Variants in PDILT observed in about 807,000 individuals in gnomAD.
PDILT encodes protein disulfide-isomerase-like protein of the testis.
PDILT carries 43 observed loss-of-function variants against 53.7 expected under a neutral mutation model. That is an observed-to-expected ratio of 0.80 (90% CI 0.63 to 1.03). The LOEUF (loss-of-function observed/expected upper bound fraction) is 1.03. PDILT is among the 50% of genes least tolerant of loss of function. The pLI is 0.00. For synonymous variants in PDILT, 282 were observed against 274.2 expected, an observed-to-expected ratio of 1.03 and a Z score of -0.28; for missense variants, 727 against 712.3, an observed-to-expected ratio of 1.02 and a Z score of -0.24.
chr16:20,360,850 G>T lies in PDILT; in HGVS notation c.1417-193C>A, dbSNP rs1041484795. Among the ~76,000 whole-genome samples, 8 of 152,196 alleles carry T rather than the reference G, an allele frequency of 5.3e-5. No homozygotes were observed. The East Asian group carries it at 1.5e-3, about 29-fold the overall frequency. On this transcript the variant is annotated intron_variant, in intron 10 of 11. Transcript: ENST00000302451. ...ATAAAAATGCTTCTGACATAGGGTT[G>T]TTATGCAGTGGATCAAAGCACGGAC...
At chr16:20,362,088 A>T (rs892512601) in intron 10 of PDILT, among the ~76,000 whole-genome samples, 4 of 152,200 alleles carry the variant, frequency 2.6e-5, no homozygotes, top group Non-Finnish European at 5.9e-5. Context: ...TATTTCAGAT[A>T]GTTAGGGCAG....
intron 2 of PDILT, among the ~76,000 whole-genome samples, chr16:20,392,940 T>G (rs1966623334): frequency 6.6e-6 from 1 of 152,212 alleles, no homozygotes; most frequent in African/African-American, 2.4e-5. Context: ...TTTCCCAGCC[T>G]TATCCATCCA....
chr16:20,364,491 G>A (rs1282454165), intron 9 of PDILT, among the ~76,000 whole-genome samples: 1 of 152,220 alleles, frequency 6.6e-6, no homozygotes, highest in Non-Finnish European at 1.5e-5. Flanking sequence ...CCTGATCTGT[G>A]ACATGGGGAA....
intron 9 of PDILT, 129 bp downstream of exon 9, chr16:20,365,291 A>G: frequency 2.0e-6 from 2 of 995,422 alleles, no homozygotes; most frequent in South Asian, 1.5e-5. Flanking sequence ...CCCTTTGGGT[A>G]TCTGAAGACC....
At chr16:20,385,767 C>T (rs1966526829) in intron 2 of PDILT, among the ~76,000 whole-genome samples, 2 of 152,102 alleles carry the variant, frequency 1.3e-5, no homozygotes, top group African/African-American at 4.8e-5. Flanking sequence ...CACTCAATAG[C>T]ATAGACACGA....
intron 8 of PDILT, among the ~76,000 whole-genome samples, chr16:20,368,884 CA>C (rs1444095407): frequency 1.3e-5 from 2 of 152,138 alleles, no homozygotes. Context: ...GCACCTGGCC[CA>C]TTCCAGAATC....
chr16:20,389,657 G>C (rs1031783254), intron 2 of PDILT, among the ~76,000 whole-genome samples: 2 of 152,176 alleles, frequency 1.3e-5, no homozygotes, highest in Non-Finnish European at 2.9e-5. Flanking sequence ...ATGGCTCCCT[G>C]ACTGTCTGCT....
At chr16:20,378,408 GTTC>G (rs1304289631) in intron 3 of PDILT, among the ~76,000 whole-genome samples, 1 of 151,886 alleles carries the variant, frequency 6.6e-6, no homozygotes, top group Non-Finnish European at 1.5e-5. Context: ...TCTCCTTCTT[GTTC>G]TTCTTCTGCT....
intron 2 of PDILT, among the ~76,000 whole-genome samples, chr16:20,393,436 C>T (rs771061318): frequency 2.0e-5 from 3 of 152,114 alleles, no homozygotes; most frequent in African/African-American, 4.8e-5. Context: ...TCAAGCAACA[C>T]GCATGTTCAA....
chr16:20,383,171 C>T (rs1966484832), intron 3 of PDILT, among the ~76,000 whole-genome samples: 1 of 152,164 alleles, frequency 6.6e-6, no homozygotes, highest in South Asian at 2.1e-4. Flanking sequence ...CACCCACAGT[C>T]TGGAAGTTGC....
chr16:20,363,963 C>T (rs7498579), intron 9 of PDILT, among the ~76,000 whole-genome samples: 1 of 151,834 alleles, frequency 6.6e-6, no homozygotes, highest in African/African-American at 2.4e-5. Flanking sequence ...GCTCTGTAAG[C>T]GAAATGGCCT....
At chr16:20,404,141 C>T (rs957280422) in intron 1 of PDILT, among the ~76,000 whole-genome samples, 1 of 152,196 alleles carries the variant, frequency 6.6e-6, no homozygotes, top group Non-Finnish European at 1.5e-5. Flanking sequence ...AGATTTGGAA[C>T]TCAATGAATG....
rs140232342 is a variant in PDILT, at chr16:20,402,541, C to T, written c.-8+1955G>A. Among the ~76,000 whole-genome samples, 1,020 of 152,256 alleles carry T rather than the reference C, an allele frequency of 6.7e-3. 6 individuals are homozygous for T. The highest frequency in any genetic ancestry group is 0.012 in the Non-Finnish European group (830 of 68,028). On this transcript the variant is annotated intron_variant, in intron 1 of 11. Transcript: ENST00000302451. ...CTGGAACTCCTGACCTCAGGTGATC[C>T]GCCCACCTCGGCCTCCCAAAGTGTT...
In PDILT at chr16:20,373,048, C is replaced by T. The variant is rs766151520; in HGVS notation, c.756G>A (p.Gln252=). The T allele has an allele frequency of 6.2e-7, 1 of 1,614,078 alleles. No homozygotes were observed. Among genetic ancestry groups the T allele is most frequent in the Non-Finnish European group, 8.5e-7 (1 of 1,179,980 alleles). The part of the protein sequence containing the change: ...NKQELNRVIK[Q]HLTDFVIEYN... ...ATTCGATCACAAAATCTGTAAGGTGCTGTTTTATGACACGATTGAGTTCCT... is the reference window on the plus strand; with the variant it reads ...ATTCGATCACAAAATCTGTAAGGTGTTGTTTTATGACACGATTGAGTTCCT... Residue 252 remains glutamine, a synonymous_variant, in exon 6 of 12, where the codon CAG becomes CAA. Transcript: ENST00000302451.
In PDILT at chr16:20,376,459, T is replaced by C. The variant is rs62034973; in HGVS notation, c.410-258A>G. On this transcript the variant is annotated intron_variant, in intron 3 of 11. Coordinates refer to ENST00000302451, the MANE Select transcript of PDILT (RefSeq NM_174924.2). Reference sequence around the variant, plus strand: ...TTTTGCATATATTAAATCTTCACAATAATCCTATGAAATAGACACTTTTAC... The same window carrying C: ...TTTTGCATATATTAAATCTTCACAACAATCCTATGAAATAGACACTTTTAC... 8.1e-3 allele frequency among the ~76,000 whole-genome samples: 1,241 copies of C among 152,292 alleles called. 13 individuals are homozygous for C. The highest frequency in any genetic ancestry group is 0.011 in the Non-Finnish European group (750 of 68,024).
intron 1 of PDILT, among the ~76,000 whole-genome samples, chr16:20,403,697 C>T (rs117795282): frequency 0.04 from 6,131 of 151,910 alleles, 154 homozygotes; most frequent in Non-Finnish European, 0.058. Flanking sequence ...ACAATCCATT[C>T]GCAAAACCGC....
At chr16:20,392,758 T>G (rs1271915456) in intron 2 of PDILT, among the ~76,000 whole-genome samples, 1 of 152,224 alleles carries the variant, frequency 6.6e-6, no homozygotes, top group Non-Finnish European at 1.5e-5. Context: ...GTTTAAAGTA[T>G]GCATGTTGGT....
At chr16:20,377,131 A>G (rs1057070818) in intron 3 of PDILT, among the ~76,000 whole-genome samples, 8 of 152,160 alleles carry the variant, frequency 5.3e-5, no homozygotes, top group African/African-American at 1.9e-4. Flanking sequence ...ACAAAAAACA[A>G]AAGAAAATTA....
At chr16:20,397,052 G>T (rs753585202) in intron 2 of PDILT, among the ~76,000 whole-genome samples, 1 of 152,166 alleles carries the variant, frequency 6.6e-6, no homozygotes, top group Admixed American at 6.5e-5. Flanking sequence ...TTCTTATTAC[G>T]CATCAGTCAC....
Sources: gnomAD v4.1 joint callset for allele counts (sites outside exome capture counted in the v4.1 genomes callset) on GRCh38, gnomAD v4.1.1 for gene constraint, MANE v1.5 for transcripts, NCBI Gene and HGNC (gene_info 2026-07-23, HGNC 2026-07-21) for gene names.